CREB5: variants seen among roughly 807,000 people sequenced by gnomAD.
CREB5 encodes the protein cAMP responsive element binding protein 5, also known as cyclic AMP-responsive element-binding protein 5.
A neutral mutation model predicts 57.1 loss-of-function variants in CREB5; 19 were observed. The observed-to-expected ratio is 0.33, with a 90% CI of 0.23 to 0.49. The LOEUF (loss-of-function observed/expected upper bound fraction) is 0.49, where lower values mean the gene tolerates loss of function less well. CREB5 is among the 20% of genes least tolerant of loss of function. CREB5 has a pLI of 0.99. For missense variants in CREB5, 579 were observed against 671.6 expected, an observed-to-expected ratio of 0.86 and a Z score of 1.52; for synonymous variants, 238 against 238.3, an observed-to-expected ratio of 1.00 and a Z score of 0.01.
At chr7:28,576,604 T>C (rs1795919286) in intron 5 of CREB5, among the ~76,000 whole-genome samples, 1 of 152,230 alleles carries the variant, frequency 6.6e-6, no homozygotes, top group Non-Finnish European at 1.5e-5. Context: ...TCCCCTCATG[T>C]GTAAGAAAAC....
intron 1 of CREB5, among the ~76,000 whole-genome samples, chr7:28,399,968 G>C (rs1346505201): frequency 6.6e-6 from 1 of 152,160 alleles, no homozygotes; most frequent in African/African-American, 2.4e-5. Context: ...TGAGGCAGGA[G>C]AATCCCTTGA....
chr7:28,340,995 G>A (rs1276522279), intron 1 of CREB5, among the ~76,000 whole-genome samples: 1 of 152,160 alleles, frequency 6.6e-6, no homozygotes, highest in Non-Finnish European at 1.5e-5. Context: ...GGCTACTGCT[G>A]GGGGATGGGG....
At chr7:28,763,730 A>G (rs1805790969) in intron 7 of CREB5, among the ~76,000 whole-genome samples, 1 of 152,082 alleles carries the variant, frequency 6.6e-6, no homozygotes, top group African/African-American at 2.4e-5. Context: ...TTCCATTAGC[A>G]AAGTTTCCTT....
chr7:28,563,549 A>G (rs216745), intron 4 of CREB5, among the ~76,000 whole-genome samples: 134,720 of 152,126 alleles, frequency 0.89, 59,740 homozygotes, highest in South Asian at 0.96. Flanking sequence ...ACTGCGAGAC[A>G]GGGTCTCACT....
intron 4 of CREB5, among the ~76,000 whole-genome samples, chr7:28,560,895 T>TGC (rs1232211956): frequency 6.0e-4 from 16 of 26,662 alleles, no homozygotes; most frequent in African/African-American, 2.1e-3. Context: ...TGCGTGTGTG[T>TGC]GCGTGCGCGC....
At chr7:28,338,109 T>C (rs943369006) in intron 1 of CREB5, among the ~76,000 whole-genome samples, 2 of 152,178 alleles carry the variant, frequency 1.3e-5, no homozygotes, top group African/African-American at 4.8e-5. Flanking sequence ...TATTTTTAAT[T>C]GGTTCATATT....
rs369452217 is a variant in CREB5 at position 28,399,567 on chromosome 7, G to A, written c.-24-95339G>A. ...TATCCTATTCAATAAATAGTGCTGG[G>A]AAAACTGGCTAACCATATGCAGAAG... On this transcript the variant is annotated intron_variant, in intron 1 of 9. Coordinates refer to the CREB5 transcript ENST00000396299. Among the ~76,000 whole-genome samples, 60 of 152,250 alleles carry A rather than the reference G, an allele frequency of 3.9e-4. 1 individual carries two copies. The South Asian group carries it at 0.012, about 32-fold the overall frequency.
intron 1 of CREB5, among the ~76,000 whole-genome samples, chr7:28,426,098 C>T (rs1406923564): frequency 6.6e-6 from 1 of 152,172 alleles, no homozygotes; most frequent in Non-Finnish European, 1.5e-5. Flanking sequence ...CCTTCTAACC[C>T]GATTCCCCCT....
chr7:28,809,478 C>G (rs953865673), intron 9 of CREB5, 64 bp downstream of exon 9: 24 of 1,438,060 alleles, frequency 1.7e-5, no homozygotes, highest in Non-Finnish European at 2.3e-5. Flanking sequence ...ATTTCCGGCC[C>G]TGACAGGCAC....
At chr7:28,360,782 G>T (rs1014321393) in intron 1 of CREB5, among the ~76,000 whole-genome samples, 10 of 152,164 alleles carry the variant, frequency 6.6e-5, no homozygotes, top group African/African-American at 2.4e-4. Flanking sequence ...CGTGTAGTCT[G>T]TCACAAGCAT....
intron 1 of CREB5, among the ~76,000 whole-genome samples, chr7:28,361,580 T>A (rs976152116): frequency 6.6e-6 from 1 of 152,198 alleles, no homozygotes; most frequent in Non-Finnish European, 1.5e-5. Flanking sequence ...CATGCAGCAG[T>A]TTGCTGACCT....
chr7:28,515,592 T>C lies in CREB5; in HGVS notation c.291+7855T>C, dbSNP rs1792907172. On this transcript the variant is annotated intron_variant, in intron 4 of 10. Coordinates refer to ENST00000357727, the MANE Select transcript of CREB5 (RefSeq NM_182898.4). ...CACCACCATGCCCGACTCCCCTGGT[T>C]CTGTTAGAGGCATGTTTCACCCTCC... 3.3e-5 allele frequency among the ~76,000 whole-genome samples: 5 copies of C among 152,218 alleles called. No homozygotes were observed. The South Asian group carries it at 1.0e-3, about 32-fold the overall frequency.
rs70977040 is a variant in CREB5 at position 28,393,516 on chromosome 7, TGTG to T, written c.-25+94079_-25+94081del. Among the ~76,000 whole-genome samples the T allele has an allele frequency of 3.3e-3, 496 of 152,336 alleles. 2 individuals are homozygous for T. Among genetic ancestry groups the T allele is most frequent in the Non-Finnish European group, 4.4e-3 (302 of 68,028 alleles). On this transcript the variant is annotated intron_variant, in intron 1 of 9. Transcript: ENST00000396299. ...GTCCTATGTTCTCACCTAGTCTTAT[TGTG>T]GTGAAAATTCAGGTCAACTTTTGGC... is the stretch of plus-strand genomic sequence containing the variant.
At chr7:28,739,101 G>T (rs1334175414) in intron 7 of CREB5, among the ~76,000 whole-genome samples, 1 of 152,210 alleles carries the variant, frequency 6.6e-6, no homozygotes, top group Non-Finnish European at 1.5e-5. Context: ...CCTTCATACT[G>T]ATGGCTGGGA....
chr7:28,441,554 C>T (rs1194854440), intron 1 of CREB5, among the ~76,000 whole-genome samples: 1 of 152,164 alleles, frequency 6.6e-6, no homozygotes, highest in African/African-American at 2.4e-5. Context: ...ATACCAAAAG[C>T]ATCACATCTC....
chr7:28,560,827 C>CGTGCGTGTGTGTGCGTGTGTGT (rs1562797026), intron 4 of CREB5, among the ~76,000 whole-genome samples: 2 of 89,024 alleles, frequency 2.2e-5, no homozygotes, highest in African/African-American at 4.4e-5. Flanking sequence ...TGTGTGCGCG[C>CGTGCGTGTGTGTGCGTGTGTGT]GCGCGCGTGT....
At chr7:28,456,849 A>C (rs1003294588) in intron 1 of CREB5, among the ~76,000 whole-genome samples, 1 of 152,244 alleles carries the variant, frequency 6.6e-6, no homozygotes, top group Non-Finnish European at 1.5e-5. Flanking sequence ...CAACAGCCAG[A>C]ACAAGGGTAA....
intron 1 of CREB5, among the ~76,000 whole-genome samples, chr7:28,478,381 CAAT>C (rs1160674036): frequency 6.6e-6 from 1 of 151,076 alleles, no homozygotes; most frequent in Non-Finnish European, 1.5e-5. Context: ...ATAAACTTCT[CAAT>C]AAGAAAACAG....
intron 1 of CREB5, among the ~76,000 whole-genome samples, chr7:28,334,414 C>A (rs1415835493): frequency 1.3e-5 from 2 of 152,156 alleles, no homozygotes; most frequent in Non-Finnish European, 2.9e-5. Context: ...ACCTTGGCCT[C>A]CCAAAGTGCT....
Sources: gnomAD v4.1 joint callset for allele counts (sites outside exome capture counted in the v4.1 genomes callset) on GRCh38, gnomAD v4.1.1 for gene constraint, MANE v1.5 for transcripts, NCBI Gene and HGNC (gene_info 2026-07-23, HGNC 2026-07-21) for gene names.